Variants in ITPR1 observed in about 807,000 individuals in gnomAD.
ITPR1 encodes inositol 1,4,5-trisphosphate receptor type 1, also known as inositol 1,4,5-trisphosphate-gated calcium channel ITPR1.
ITPR1 carries 96 observed loss-of-function variants against 318.4 expected under a neutral mutation model. That is an observed-to-expected ratio of 0.30 (90% CI 0.26 to 0.36). The LOEUF (loss-of-function observed/expected upper bound fraction) is 0.36, where lower values mean the gene tolerates loss of function less well. ITPR1 is among the 10% of genes least tolerant of loss of function. ITPR1 has a pLI of 1.00. For synonymous variants in ITPR1, 1,312 were observed against 1,289.9 expected (o/e 1.02, Z -0.37); for missense variants, 2,440 against 3,460.2 (o/e 0.71, Z 7.40).
intron 2 of ITPR1, among the ~76,000 whole-genome samples, chr3:4,505,991 G>A (rs1414984076): frequency 6.6e-6 from 1 of 152,166 alleles, no homozygotes; most frequent in East Asian, 1.9e-4. Context: ...GAACAGATTA[G>A]AAAGTAGAAT....
chr3:4,571,884 C>G (rs1559468988), intron 4 of ITPR1, among the ~76,000 whole-genome samples: 1 of 152,160 alleles, frequency 6.6e-6, no homozygotes, highest in Non-Finnish European at 1.5e-5. Context: ...CCCCTCTGCC[C>G]CACTCCCTAC....
chr3:4,674,421 G>T, intron 22 of ITPR1, 78 bp downstream of exon 22: 2 of 1,246,122 alleles, frequency 1.6e-6, no homozygotes. Context: ...TAGAAAATAT[G>T]TGAGTAGGTT....
At chr3:4,747,213 G>A (rs1276704160) in intron 44 of ITPR1, among the ~76,000 whole-genome samples, 1 of 152,114 alleles carries the variant, frequency 6.6e-6, no homozygotes, top group East Asian at 1.9e-4. Flanking sequence ...CATGTACCAC[G>A]GGCTAGCCAG....
Position 4,796,006 on chromosome 3 carries a change from C to T in ITPR1, c.6931+819C>T, listed in dbSNP as rs113804746. Among the ~76,000 whole-genome samples the T allele has an allele frequency of 5.6e-3, 857 of 152,272 alleles. 10 individuals carry two copies. Among genetic ancestry groups the T allele is most frequent in the African/African-American group, 0.02 (811 of 41,556 alleles). On this transcript the variant is annotated intron_variant, in intron 53 of 61. Coordinates refer to ENST00000649015, the MANE Select transcript of ITPR1 (RefSeq NM_001378452.1). ...TCACCTCACATACGCATAGAACAAC[C>T]TGCCAGGAACCACCTTATGTGACAG...
chr3:4,640,874 G>C (rs114845312), intron 6 of ITPR1, among the ~76,000 whole-genome samples: 5 of 152,138 alleles, frequency 3.3e-5, no homozygotes, highest in Non-Finnish European at 7.3e-5. Flanking sequence ...ACTGAGTCTG[G>C]CACCTAGACA....
chr3:4,635,517 T>C (rs1040778459), intron 5 of ITPR1, among the ~76,000 whole-genome samples: 2 of 143,602 alleles, frequency 1.4e-5, no homozygotes, highest in African/African-American at 2.7e-5. Context: ...ATTTTTTGTA[T>C]TTTTTTTTTA....
At chr3:4,683,833 T>A in intron 28 of ITPR1, 35 bp downstream of exon 28, 1 of 1,591,728 alleles carries the variant, frequency 6.3e-7, no homozygotes, top group Non-Finnish European at 8.6e-7. Context: ...CCAAAGTGGA[T>A]GGATGGGCTT....
intron 37 of ITPR1, among the ~76,000 whole-genome samples, chr3:4,707,233 T>G (rs1435367935): frequency 6.6e-6 from 1 of 152,250 alleles, no homozygotes; most frequent in African/African-American, 2.4e-5. Context: ...AATTACCTTA[T>G]TCTCTTTTGC....
chr3:4,665,316 G>A lies in ITPR1; in HGVS notation c.1713+20G>A. 6.3e-7 allele frequency: 1 copy of A among 1,590,150 alleles called. No homozygotes were observed. The highest frequency in any genetic ancestry group is 8.6e-7 in the Non-Finnish European group (1 of 1,164,358). ...AACCAGGTTTGGATTAAGCATTGGTGGGATGTGGTTGTCAGTTTCCTCCCT... is the reference window on the plus strand; with the variant it reads ...AACCAGGTTTGGATTAAGCATTGGTAGGATGTGGTTGTCAGTTTCCTCCCT... On this transcript the variant is annotated intron_variant, in intron 17 of 61. Coordinates refer to ENST00000649015, the MANE Select transcript of ITPR1 (RefSeq NM_001378452.1).
At position 4,636,577 on chromosome 3, in the gene ITPR1, C is replaced by T. The variant is rs541506656; in HGVS notation, c.280-2807C>T. ...CCAAGTAGCTGGGACTACAGGCGCC[C>T]GCCACCATGCCCAGCTAATTTTTGT... is the stretch of plus-strand genomic sequence containing the variant. On this transcript the variant is annotated intron_variant, in intron 5 of 61. Coordinates refer to ENST00000649015, the MANE Select transcript of ITPR1 (RefSeq NM_001378452.1). 5.3e-5 allele frequency among the ~76,000 whole-genome samples: 8 copies of T among 152,194 alleles called. No individual in the cohort carries two copies. The East Asian group carries it at 1.2e-3, about 22-fold the overall frequency.
In ITPR1 at chr3:4,702,711, G is replaced by A. The variant is rs1413332492; in HGVS notation, c.4537-119G>A. The stretch of plus-strand genomic sequence containing the variant: ...TGCCTCAGGGTCCATTAACAAGGCA[G>A]TGTCTGTCTCTGATCTGGGGTCCAG... On this transcript the variant is annotated intron_variant, in intron 35 of 61. Coordinates refer to ENST00000649015, the MANE Select transcript of ITPR1 (RefSeq NM_001378452.1). 10 of 1,087,556 alleles carry A rather than the reference G, an allele frequency of 9.2e-6. No individual in the cohort carries two copies. In the Admixed American group the frequency reaches 1.3e-4, roughly 14 times the overall value. The allele number at this position is 1,087,556 out of a possible 1,614,324, so 67.4% of individuals were successfully genotyped here.
intron 21 of ITPR1, 107 bp from the exon 22 acceptor site, chr3:4,674,095 G>T: frequency 2.5e-6 from 2 of 802,962 alleles, no homozygotes; most frequent in South Asian, 1.8e-5. Flanking sequence ...TAGGGTCAAG[G>T]GATGCCAAGG....
intron 4 of ITPR1, among the ~76,000 whole-genome samples, chr3:4,603,326 A>C (rs1273616485): frequency 1.3e-5 from 2 of 152,122 alleles, no homozygotes; most frequent in Non-Finnish European, 2.9e-5. Flanking sequence ...TTGGGGTATG[A>C]ATGATCACCC....
chr3:4,520,941 G>T, intron 3 of ITPR1, 83 bp from the exon 4 acceptor site: 1 of 1,012,426 alleles, frequency 9.9e-7, no homozygotes. Context: ...CGCAGGAAAA[G>T]CCCTGGGATA....
At chr3:4,792,991 A>T (rs2047668160) in intron 52 of ITPR1, among the ~76,000 whole-genome samples, 1 of 152,164 alleles carries the variant, frequency 6.6e-6, no homozygotes, top group Admixed American at 6.5e-5. Flanking sequence ...GGCAGAGTAT[A>T]TGGGGAAGGG....
chr3:4,823,358 C>G (rs1156360611), intron 60 of ITPR1, among the ~76,000 whole-genome samples: 1 of 151,954 alleles, frequency 6.6e-6, no homozygotes, highest in Non-Finnish European at 1.5e-5. Flanking sequence ...TAAAGAAGAC[C>G]AAACAGTAAC....
chr3:4,551,257 A>C (rs1180704498), intron 4 of ITPR1, among the ~76,000 whole-genome samples: 1 of 152,222 alleles, frequency 6.6e-6, no homozygotes, highest in Non-Finnish European at 1.5e-5. Flanking sequence ...TGGAGTCTAG[A>C]AGGCAAAAAT....
At chr3:4,755,212 G>A (rs2044869069) in intron 44 of ITPR1, among the ~76,000 whole-genome samples, 1 of 145,080 alleles carries the variant, frequency 6.9e-6, no homozygotes. Flanking sequence ...TTTGTTGGTT[G>A]AGTTGTTGTT....
At chr3:4,820,309 T>C (rs1476387218) in intron 60 of ITPR1, among the ~76,000 whole-genome samples, 2 of 152,218 alleles carry the variant, frequency 1.3e-5, no homozygotes, top group Non-Finnish European at 2.9e-5. Context: ...TTATGTTCCT[T>C]CTCACCCCTG....
Sources: gnomAD v4.1 joint callset for allele counts (sites outside exome capture counted in the v4.1 genomes callset) on GRCh38, gnomAD v4.1.1 for gene constraint, MANE v1.5 for transcripts, NCBI Gene and HGNC (gene_info 2026-07-23, HGNC 2026-07-21) for gene names.